NIBAN3: variants seen among roughly 807,000 people sequenced by gnomAD.
The protein encoded by NIBAN3 is niban apoptosis regulator 3.
In NIBAN3, 66 loss-of-function variants were observed where a neutral mutation model predicts 76.4. The ratio of observed to expected loss-of-function variants is 0.86; its 90% CI spans 0.71 to 1.06. The LOEUF (loss-of-function observed/expected upper bound fraction) is 1.06, where lower values mean the gene tolerates loss of function less well. Among genes scored for constraint, NIBAN3 ranks in the 50% least tolerant of loss-of-function variants. The pLI is 0.00. For synonymous variants in NIBAN3, 360 were observed against 355.2 expected (o/e 1.01, Z -0.15); for missense variants, 808 against 810.7 (o/e 1.00, Z 0.04).
chr19:17,527,168 A>T, upstream of NIBAN3: 1 of 1,509,862 alleles, frequency 6.6e-7, no homozygotes, highest in Non-Finnish European at 8.9e-7. Context: ...TCTGGGCAAC[A>T]CGGGCCCCAG....
downstream of NIBAN3, among the ~76,000 whole-genome samples, chr19:17,554,608 C>G (rs2076198028): frequency 6.6e-6 from 1 of 151,054 alleles, no homozygotes; most frequent in South Asian, 2.1e-4. Context: ...ATGGTGAAAC[C>G]CCATCTCTAC....
At chr19:17,543,135 A>C (rs745434777) in intron 10 of NIBAN3, among the ~76,000 whole-genome samples, 182 bp from the exon 11 acceptor site, 2 of 152,166 alleles carry the variant, frequency 1.3e-5, no homozygotes, top group Non-Finnish European at 2.9e-5. Flanking sequence ...TCCCCCACAG[A>C]CTAGACAATC....
chr19:17,527,254 T>C (rs1359283289), upstream of NIBAN3: 19 of 1,549,918 alleles, frequency 1.2e-5, no homozygotes, highest in Non-Finnish European at 1.6e-5. Flanking sequence ...ACCAAGCCTC[T>C]CACCCGCCAT....
At chr19:17,544,087 G>A (rs1275079831) in intron 12 of NIBAN3, 1 of 161,720 alleles carries the variant, frequency 6.2e-6, no homozygotes, top group Admixed American at 6.1e-5. Context: ...GATTGCTTGA[G>A]GCCAGGAGAT....
At chr19:17,553,644 G>T, downstream of NIBAN3, 1 of 1,182,534 alleles carries the variant, frequency 8.5e-7, no homozygotes, top group Non-Finnish European at 1.2e-6. Context: ...CACTTCATAG[G>T]CTTCTTTAGC....
At position 17,535,777 on chromosome 19, in the gene NIBAN3, G is replaced by A. The variant is rs8102729; in HGVS notation, c.428-1599G>A. On this transcript the variant is annotated intron_variant, in intron 4 of 14. Coordinates refer to ENST00000599164, the MANE Select transcript of NIBAN3 (RefSeq NM_001321827.2). ...AAAAAAAAAAAGCCAGGTGGCTCAC[G>A]CCTGCAGTCTCAGCACTTTGAGAGG... Among the ~76,000 whole-genome samples, 743 of 150,168 alleles carry A rather than the reference G, an allele frequency of 4.9e-3. 3 individuals carry two copies. Among genetic ancestry groups the A allele is most frequent in the African/African-American group, 0.018 (718 of 40,488 alleles).
chr19:17,539,880 A>G (rs2075909404), intron 8 of NIBAN3, 115 bp downstream of exon 8: 13 of 456,658 alleles, frequency 2.8e-5, no homozygotes, highest in South Asian at 2.6e-4. Flanking sequence ...GCGTGGTCAG[A>G]GAGGGGCGGG....
intron 13 of NIBAN3, among the ~76,000 whole-genome samples, chr19:17,547,879 C>G (rs1486006242): frequency 3.9e-5 from 6 of 152,048 alleles, no homozygotes; most frequent in Middle Eastern, 3.2e-3. Context: ...GTTGGCCAGG[C>G]TGGTCTCGAA....
At chr19:17,546,419 G>A (rs1328821380) in intron 12 of NIBAN3, 2 of 359,378 alleles carry the variant, frequency 5.6e-6, no homozygotes, top group Non-Finnish European at 8.0e-6. Context: ...GTTTCACCAT[G>A]TTGGTCAGGC....
chr19:17,542,941 A>C lies in NIBAN3; in HGVS notation c.1330-376A>C, dbSNP rs1209457782. Among the ~76,000 whole-genome samples the C allele has an allele frequency of 2.0e-5, 3 of 152,304 alleles. No homozygotes were observed. In the East Asian group the frequency reaches 5.8e-4, roughly 29 times the overall value. ...TCTGAGATGGGACCTGCTGATGGAC[A>C]TGGTGACAGAAGAAGACAGAGAGTG... is the stretch of plus-strand genomic sequence containing the variant. On this transcript the variant is annotated intron_variant, in intron 10 of 14. Coordinates refer to ENST00000599164, the MANE Select transcript of NIBAN3 (RefSeq NM_001321827.2). The surrounding 1 kb of genome is among the most constrained non-coding windows in gnomAD (Gnocchi z 4.8).
intron 1 of NIBAN3, among the ~76,000 whole-genome samples, chr19:17,529,640 T>C (rs922055540): frequency 6.6e-6 from 1 of 152,220 alleles, no homozygotes; most frequent in Non-Finnish European, 1.5e-5. Flanking sequence ...TAAAAGCTTT[T>C]GAAAAGCTCC....
downstream of NIBAN3, chr19:17,553,780 G>A (rs1333805776): frequency 1.9e-5 from 10 of 525,446 alleles, no homozygotes; most frequent in African/African-American, 3.8e-5. Flanking sequence ...CCTTCCAGAT[G>A]GGATGGGATG....
In NIBAN3 at chr19:17,543,424, C is replaced by T. The variant is rs138987050; in HGVS notation, c.1437C>T (p.Arg479=). 340 of 1,613,264 alleles carry T rather than the reference C, an allele frequency of 2.1e-4. 2 individuals are homozygous for T. The East Asian group carries it at 5.0e-3, about 24-fold the overall frequency. The change falls in exon 11 of 15, where the codon CGC becomes CGT. Residue 479 remains arginine (R), a synonymous_variant. Transcript: ENST00000599164. ...AAQRLERVRG[R]VLKKFKSDSG... ...AGAGGCTGGAGAGAGTCAGGGGGCG[C>T]GTGCTGAAGGTGTGTTCTGTGGGTA...
intron 4 of NIBAN3, among the ~76,000 whole-genome samples, chr19:17,534,222 T>C (rs1409801936): frequency 6.6e-6 from 1 of 151,408 alleles, no homozygotes; most frequent in African/African-American, 2.4e-5. Flanking sequence ...CAAAAACAAT[T>C]AAAAACAATA....
rs1277951753 is a variant in NIBAN3 at position 17,539,598 on chromosome 19, G to T, written c.817-5G>T. The stretch of plus-strand genomic sequence containing the variant: ...GCTTTGTCCCCCCTCGACCGGTCTG[G>T]GCAGCTTCTAGACGCCGTTCACGCA... On this transcript the variant is annotated splice_polypyrimidine_tract_variant and splice_region_variant and intron_variant, in intron 7 of 14. Transcript: ENST00000599164. 6.5e-7 allele frequency: 1 copy of T among 1,544,226 alleles called. No homozygotes were observed. The highest frequency in any genetic ancestry group is 8.8e-7 in the Non-Finnish European group (1 of 1,139,254).
At chr19:17,527,196 A>AGG, upstream of NIBAN3, 1 of 1,498,692 alleles carries the variant, frequency 6.7e-7, no homozygotes, top group East Asian at 2.6e-5. Flanking sequence ...GGGAGGACGC[A>AGG]GGTGCAGCGT....
rs760061514 is a variant in NIBAN3 at position 17,547,908 on chromosome 19, G to A, written c.1666+1111G>A. Among the ~76,000 whole-genome samples, 19 of 151,386 alleles carry A rather than the reference G, an allele frequency of 1.3e-4. 1 individual carries two copies. The highest frequency in any genetic ancestry group is 3.5e-3 in the Middle Eastern group (1 of 288). ...TCTCGAACTCATGACCTCGTGATCCGCCTGACTTGGCCTCCCAAAGTGCTG... is the reference window on the plus strand; with the variant it reads ...TCTCGAACTCATGACCTCGTGATCCACCTGACTTGGCCTCCCAAAGTGCTG... On this transcript the variant is annotated intron_variant, in intron 13 of 14. Coordinates refer to ENST00000599164, the MANE Select transcript of NIBAN3 (RefSeq NM_001321827.2).
In NIBAN3 at chr19:17,540,502, C is replaced by CG. The variant is rs2075928053; in HGVS notation, c.1092dup (p.Thr365AspfsTer46). 1.3e-6 allele frequency: 2 copies of CG among 1,598,258 alleles called. No individual in the cohort carries two copies. The highest frequency in any genetic ancestry group is 1.7e-6 in the Non-Finnish European group (2 of 1,172,836). ...CGTGGAAGCCTCGCTCGAGGCGGTG[C>CG]GGACCCTCCTGGCTCAAGGCATGGA... On this transcript the variant is annotated frameshift_variant, in exon 9 of 15. Coordinates refer to ENST00000599164, the MANE Select transcript of NIBAN3 (RefSeq NM_001321827.2). LOFTEE classifies it high-confidence loss of function.
At chr19:17,549,759 T>A in intron 14 of NIBAN3, 2 of 605,868 alleles carry the variant, frequency 3.3e-6, no homozygotes, top group Non-Finnish European at 5.9e-6. Flanking sequence ...CTGACATGCA[T>A]GTGAGCTCAG....
Sources: allele counts gnomAD v4.1 joint callset (sites outside exome capture counted in the v4.1 genomes callset), GRCh38; gene constraint gnomAD v4.1.1; non-coding constraint Gnocchi (gnomAD v3.1); transcripts MANE v1.5; gene names NCBI Gene and HGNC (gene_info 2026-07-23, HGNC 2026-07-21).